The following ANKRD27 variants were observed in gnomAD, a reference collection of about 807,000 sequenced individuals.
The protein encoded by ANKRD27 is ankyrin repeat domain-containing protein 27.
In ANKRD27, 112 loss-of-function variants were observed where a neutral mutation model predicts 129.7. The observed-to-expected ratio is 0.86, with a 90% CI of 0.74 to 1.01. ANKRD27 has a LOEUF of 1.01. Ranked by LOEUF, ANKRD27 falls within the 50% of genes least tolerant of loss-of-function variation. The probability of loss-of-function intolerance (pLI) is 0.00; values close to 1 mark genes in which losing one functional copy is unlikely to be tolerated. For synonymous variants in ANKRD27, 516 were observed against 511.2 expected, an observed-to-expected ratio of 1.01 and a Z score of -0.13; for missense variants, 1,258 against 1,300.5, an observed-to-expected ratio of 0.97 and a Z score of 0.50.
rs771464476 is a variant in ANKRD27, at chr19:32,626,879, A to G, written c.1421-52T>C. On this transcript the variant is annotated intron_variant, in intron 15 of 28. Coordinates refer to ENST00000306065, the MANE Select transcript of ANKRD27 (RefSeq NM_032139.3). The stretch of plus-strand genomic sequence containing the variant: ...GAGAAGGAAGGCGCAGAGGCCTTCC[A>G]CACCTTAACTGTAAAACCACAACAC... 4.7e-6 allele frequency: 6 copies of G among 1,273,948 alleles called. No individual in the cohort carries two copies. In the East Asian group the frequency reaches 1.2e-4, roughly 26 times the overall value. 78.9% of individuals were successfully genotyped at this position (1,273,948 alleles called of 1,614,324 possible).
chr19:32,598,497 G>A (rs1971604259), intron 28 of ANKRD27, 119 bp from the exon 29 acceptor site: 7 of 862,902 alleles, frequency 8.1e-6, no homozygotes, highest in Admixed American at 4.2e-5. Flanking sequence ...TGCTTGACAG[G>A]CATAATTTCA....
Position 32,622,502 on chromosome 19 carries a change from T to C in ANKRD27, c.1747A>G (p.Thr583Ala), listed in dbSNP as rs778397370. Residue 583 changes from threonine to alanine, a missense_variant, in exon 18 of 29, where the codon ACA becomes GCA. Thr to Ala is a moderately conservative substitution (Grantham distance 58, BLOSUM62 0). Coordinates refer to ENST00000306065, the MANE Select transcript of ANKRD27 (RefSeq NM_032139.3). ...GTGGACGCTCCGTTCTGCAGCAATG[T>C]CTCTATGACGCCTTGGTAGCCCCAG... ...ARWGYQGVIE[T>A]LLQNGASTEI... is the part of the protein sequence containing the mutation. The C allele has an allele frequency of 1.9e-6, 3 of 1,613,886 alleles. No individual in the cohort carries two copies. Among genetic ancestry groups the C allele is most frequent in the Non-Finnish European group, 2.5e-6 (3 of 1,179,974 alleles).
At chr19:32,609,435 C>A (rs1971800953) in intron 22 of ANKRD27, among the ~76,000 whole-genome samples, 1 of 152,136 alleles carries the variant, frequency 6.6e-6, no homozygotes, top group Non-Finnish European at 1.5e-5. Flanking sequence ...TGTCCATTAA[C>A]AGGTGAATGA....
chr19:32,673,251 A>G (rs756821015), intron 1 of ANKRD27: 5 of 975,610 alleles, frequency 5.1e-6, no homozygotes, highest in South Asian at 4.7e-5. Context: ...AGTCTATCCA[A>G]TGTCAGATCC....
At chr19:32,601,987 G>A in intron 26 of ANKRD27, 28 bp downstream of exon 26, 1 of 1,429,268 alleles carries the variant, frequency 7.0e-7, no homozygotes, top group Non-Finnish European at 9.8e-7. Context: ...CCCAACTTGA[G>A]CGTGACAGAA....
rs773031261 is a variant in ANKRD27 at position 32,658,967 on chromosome 19, G to C, written c.49C>G (p.Leu17Val). ...CACAAGTCAGGGCGGCACTTTTGCA[G>C]AGCCAGATAGAAAGGATTTTTCAGG... ...DLLKNPFYLA[L>V]QKCRPDLCSK... Residue 17 changes from leucine (L) to valine (V), a missense_variant, in exon 2 of 29, where the codon CTG becomes GTG. Transcript: ENST00000306065. 1 of 1,614,108 alleles carries C rather than the reference G, an allele frequency of 6.2e-7. No individual in the cohort carries two copies. The highest frequency in any genetic ancestry group is 2.2e-5 in the East Asian group (1 of 44,880).
At chr19:32,651,355 GT>G (rs1967412714) in intron 2 of ANKRD27, among the ~76,000 whole-genome samples, 1 of 152,052 alleles carries the variant, frequency 6.6e-6, no homozygotes. Flanking sequence ...GGGCCTTCAT[GT>G]GGCCTCTGGG....
At chr19:32,638,769 A>C in intron 12 of ANKRD27, 1 of 155,414 alleles carries the variant, frequency 6.4e-6, no homozygotes, top group Non-Finnish European at 1.4e-5. Flanking sequence ...AGCAACTTGG[A>C]GCTGCCCACC....
chr19:32,608,506 T>TA, intron 22 of ANKRD27: 25 of 231,822 alleles, frequency 1.1e-4, no homozygotes, highest in East Asian at 3.4e-4. Flanking sequence ...TGTTACCTCT[T>TA]TAAAAAAAAA....
chr19:32,628,110 T>C lies in ANKRD27; in HGVS notation c.1393A>G (p.Thr465Ala), dbSNP rs779097750. Residue 465 changes from threonine (T) to alanine (A), a missense_variant, in exon 15 of 29, where the codon ACC (threonine) becomes GCC (alanine). By Grantham distance (58) the Thr-to-Ala change is moderately conservative (BLOSUM62 0). Transcript: ENST00000306065. Reference protein sequence around the residue: ...TPFSRDDRGHTPLHVAAVCGQ... With the variant: ...TPFSRDDRGHAPLHVAAVCGQ... ...CAGACAGCAGCCACATGGAGAGGGG[T>C]GTGCCCCCTGTCGTCTCTGGAGAAT... 2 of 1,614,088 alleles carry C rather than the reference T, an allele frequency of 1.2e-6. No individual in the cohort carries two copies. The highest frequency in any genetic ancestry group is 1.7e-6 in the Non-Finnish European group (2 of 1,180,006).
chr19:32,600,073 C>T, intron 26 of ANKRD27, 23 bp from the exon 27 acceptor site: 4 of 1,513,912 alleles, frequency 2.6e-6, no homozygotes, highest in Non-Finnish European at 3.7e-6. Flanking sequence ...AGATAAACAT[C>T]TAAAAACTTC....
chr19:32,628,747 C>T lies in ANKRD27; in HGVS notation c.1312G>A (p.Asp438Asn), dbSNP rs145753923. The change falls in exon 14 of 29, where the codon GAT becomes AAT. Residue 438 changes from aspartate (D) to asparagine (N), a missense_variant. Transcript: ENST00000306065. ...QKMCHPLCFC[D>N]DCEKLVSGRL... ...CCAGAGACGAGTTTCTCACAGTCAT[C>T]GCAGAAGCAGAGAGGGTGACACATC... 3.9e-4 allele frequency: 629 copies of T among 1,614,066 alleles called. 5 individuals are homozygous for T. The East Asian group carries it at 0.01, about 27-fold the overall frequency.
At chr19:32,625,465 C>T (rs1972074557) in intron 17 of ANKRD27, among the ~76,000 whole-genome samples, 1 of 146,196 alleles carries the variant, frequency 6.8e-6, no homozygotes, top group Non-Finnish European at 1.5e-5. Context: ...TGGAGTCTCA[C>T]TGTCACCCAG....
At chr19:32,656,059 A>AAAAGAAAGAAAAGAAAGGAAAG (rs1568417616) in intron 2 of ANKRD27, among the ~76,000 whole-genome samples, 4 of 65,884 alleles carry the variant, frequency 6.1e-5, no homozygotes, top group African/African-American at 2.2e-4. Context: ...GAAAAGAAAG[A>AAAAGAAAGAAAAGAAAGGAAAG]AAAGAAAGAA....
At position 32,660,368 on chromosome 19, in the gene ANKRD27, C is replaced by G. The variant is rs569294432; in HGVS notation, c.-30-1323G>C. ...GACCAGCCTGGTCAACATGGTGAAA[C>G]CCCGTCTCTACTGAAAATACAAAAA... On this transcript the variant is annotated intron_variant, in intron 1 of 28. Coordinates refer to ENST00000306065, the MANE Select transcript of ANKRD27 (RefSeq NM_032139.3). Among the ~76,000 whole-genome samples the G allele has an allele frequency of 9.2e-5, 14 of 152,286 alleles. No homozygotes were observed. In the South Asian group the frequency reaches 2.9e-3, roughly 32 times the overall value.
intron 1 of ANKRD27, among the ~76,000 whole-genome samples, chr19:32,665,763 GT>G (rs1205718213): frequency 6.7e-6 from 1 of 148,860 alleles, no homozygotes; most frequent in Non-Finnish European, 1.5e-5. Context: ...CCAGCCTGCC[GT>G]TTTTTTTGTT....
intron 2 of ANKRD27, among the ~76,000 whole-genome samples, chr19:32,656,099 G>GGA (rs1555747119): frequency 7.1e-4 from 88 of 123,218 alleles, no homozygotes; most frequent in African/African-American, 2.8e-3. Flanking sequence ...AAGAAAGAAA[G>GGA]AAAGAAAGAA....
intron 20 of ANKRD27, among the ~76,000 whole-genome samples, chr19:32,618,943 A>C (rs746117096): frequency 4.6e-5 from 7 of 152,174 alleles, no homozygotes; most frequent in Non-Finnish European, 1.0e-4. Context: ...AAATGATCTG[A>C]AATCAGCGGA....
intron 24 of ANKRD27, 79 bp downstream of exon 24, chr19:32,605,756 G>A (rs1971722890): frequency 6.4e-7 from 1 of 1,563,350 alleles, no homozygotes; most frequent in Non-Finnish European, 8.7e-7. Context: ...CATCCCCAGT[G>A]CGCTGCGGGG....
Sources: allele counts gnomAD v4.1 joint callset (sites outside exome capture counted in the v4.1 genomes callset), GRCh38; gene constraint gnomAD v4.1.1; transcripts MANE v1.5; gene names NCBI Gene and HGNC (gene_info 2026-07-23, HGNC 2026-07-21).